Variants in SLC41A3 observed in about 807,000 individuals in gnomAD.
SLC41A3 encodes solute carrier family 41 member 3.
Under a neutral mutation model 45.4 loss-of-function variants are expected in SLC41A3, and 44 were observed. The observed-to-expected ratio is 0.97, with a 90% confidence interval of 0.76 to 1.25. SLC41A3 has a LOEUF of 1.25. Among genes scored for constraint, SLC41A3 ranks in the 50% most tolerant of loss-of-function variants. The probability of loss-of-function intolerance (pLI) is 0.00; values close to 1 mark genes in which losing one functional copy is unlikely to be tolerated. For synonymous variants in SLC41A3, 256 were observed against 252.4 expected (o/e 1.01, Z -0.13); for missense variants, 550 against 600.6 (o/e 0.92, Z 0.88).
chr3:126,011,585 C>T (rs1939715832), intron 9 of SLC41A3, among the ~76,000 whole-genome samples: 1 of 152,094 alleles, frequency 6.6e-6, no homozygotes, highest in Non-Finnish European at 1.5e-5. Flanking sequence ...GTTCAAGGAG[C>T]CTAACAAACC....
chr3:126,024,862 T>C (rs754421035), intron 5 of SLC41A3: 1 of 151,936 alleles, frequency 6.6e-6, no homozygotes, highest in Non-Finnish European at 1.5e-5. Context: ...CTGGTTTAAG[T>C]GATGACAATA....
At chr3:126,036,602 T>C (rs1231426137) in intron 3 of SLC41A3, among the ~76,000 whole-genome samples, 2 of 152,008 alleles carry the variant, frequency 1.3e-5, no homozygotes, top group African/African-American at 4.8e-5. Context: ...AGTCCTGGGG[T>C]GCTTCGCTGC....
intron 3 of SLC41A3, among the ~76,000 whole-genome samples, chr3:126,044,946 A>G (rs1942867336): frequency 6.6e-6 from 1 of 150,394 alleles, no homozygotes; most frequent in East Asian, 2.0e-4. Context: ...ATATTTTCCA[A>G]TCACAAGGGA....
chr3:126,050,835 A>C (rs1440649645), intron 3 of SLC41A3, 108 bp downstream of exon 3: 1 of 1,426,614 alleles, frequency 7.0e-7, no homozygotes, highest in African/African-American at 1.4e-5. Context: ...AGAAATATCC[A>C]TTGTTTTGGA....
intron 1 of SLC41A3, 138 bp downstream of exon 1, chr3:126,083,955 A>AT: frequency 1.1e-5 from 1 of 88,330 alleles, no homozygotes; most frequent in African/African-American, 4.9e-5. Context: ...CCGAGCCCCC[A>AT]GGGCCCGGCG....
At chr3:126,085,764 A>G (rs1394941102), upstream of SLC41A3, among the ~76,000 whole-genome samples, 2 of 151,516 alleles carry the variant, frequency 1.3e-5, no homozygotes, top group Non-Finnish European at 2.9e-5. Flanking sequence ...AGAGAAAGGC[A>G]TTTGCTCCTC....
chr3:126,018,346 C>A (rs1940516328), intron 6 of SLC41A3, among the ~76,000 whole-genome samples: 1 of 152,166 alleles, frequency 6.6e-6, no homozygotes, highest in African/African-American at 2.4e-5. Context: ...ATATACAAAT[C>A]TTCTTGTTTT....
intron 6 of SLC41A3, among the ~76,000 whole-genome samples, chr3:126,021,485 T>C (rs1400388156): frequency 6.6e-6 from 1 of 152,232 alleles, no homozygotes; most frequent in East Asian, 1.9e-4. Flanking sequence ...CCAGGTGTCT[T>C]CTGTCTGTTC....
At chr3:126,057,611 G>T (rs941383195) in intron 2 of SLC41A3, among the ~76,000 whole-genome samples, 1 of 152,124 alleles carries the variant, frequency 6.6e-6, no homozygotes, top group East Asian at 1.9e-4. Flanking sequence ...TGGTTCTCCC[G>T]TCGGACTATC....
chr3:126,024,322 C>T (rs1168092824), intron 5 of SLC41A3: 1 of 152,238 alleles, frequency 6.6e-6, no homozygotes, highest in East Asian at 1.9e-4. Flanking sequence ...TCAGGACTGT[C>T]AGACTGTGTT....
At chr3:126,078,067 A>G (rs1471914931) in intron 1 of SLC41A3, among the ~76,000 whole-genome samples, 1 of 152,154 alleles carries the variant, frequency 6.6e-6, no homozygotes, top group East Asian at 1.9e-4. Flanking sequence ...AAGGACCTGC[A>G]GGGGCCCAAT....
intron 1 of SLC41A3, among the ~76,000 whole-genome samples, chr3:126,099,967 A>C (rs1945677463): frequency 1.3e-5 from 2 of 152,182 alleles, no homozygotes; most frequent in Admixed American, 6.5e-5. Flanking sequence ...ATGGATGTGC[A>C]GTCCAACCTG....
At chr3:126,044,891 A>G (rs6806467) in intron 3 of SLC41A3, among the ~76,000 whole-genome samples, 81,621 of 113,972 alleles carry the variant, frequency 0.72, 28,276 homozygotes, top group East Asian at 0.82. Context: ...GCGAGACTCC[A>G]TCTCAAAAAA....
At chr3:126,040,276 A>G (rs766524014) in intron 3 of SLC41A3, among the ~76,000 whole-genome samples, 1 of 152,264 alleles carries the variant, frequency 6.6e-6, no homozygotes, top group Non-Finnish European at 1.5e-5. Context: ...ACTCTAATCC[A>G]GCATCACAGG....
intron 1 of SLC41A3, among the ~76,000 whole-genome samples, chr3:126,077,723 C>T (rs965557104): frequency 1.3e-5 from 2 of 152,336 alleles, no homozygotes; most frequent in South Asian, 2.1e-4. Flanking sequence ...GAGGAGCTGA[C>T]GGAAGAACTG....
chr3:126,057,350 C>T (rs1559867145), intron 2 of SLC41A3, among the ~76,000 whole-genome samples: 1 of 152,234 alleles, frequency 6.6e-6, no homozygotes, highest in Admixed American at 6.5e-5. Flanking sequence ...GCCCTGCTGA[C>T]CCCTCCTCAC....
intron 2 of SLC41A3, among the ~76,000 whole-genome samples, chr3:126,058,418 G>C (rs1476885920): frequency 6.6e-6 from 1 of 152,132 alleles, no homozygotes; most frequent in Non-Finnish European, 1.5e-5. Flanking sequence ...CACTCCACCA[G>C]TCTCTCAGGA....
At chr3:126,031,519 C>T (rs1298239692) in intron 4 of SLC41A3, among the ~76,000 whole-genome samples, 43 of 152,292 alleles carry the variant, frequency 2.8e-4, no homozygotes, top group Admixed American at 2.7e-3. Context: ...GTCACTGCTG[C>T]CTCCCCACAT....
chr3:126,031,935 T>G (rs1941824731), intron 4 of SLC41A3, among the ~76,000 whole-genome samples: 1 of 152,154 alleles, frequency 6.6e-6, no homozygotes, highest in Non-Finnish European at 1.5e-5. Flanking sequence ...AGCAGACATG[T>G]AAACACACAA....
Sources: gnomAD v4.1 joint callset for allele counts (sites outside exome capture counted in the v4.1 genomes callset) on GRCh38, gnomAD v4.1.1 for gene constraint, MANE v1.5 for transcripts, NCBI Gene and HGNC (gene_info 2026-07-23, HGNC 2026-07-21) for gene names.